Variants in RP1 observed in about 807,000 individuals in gnomAD.
RP1 encodes oxygen-regulated protein 1.
RP1 carries 16 observed loss-of-function variants against 14.8 expected under a neutral mutation model. That is an observed-to-expected ratio of 1.08 (90% CI 0.73 to 1.65). The LOEUF (loss-of-function observed/expected upper bound fraction) is 1.65, where lower values mean the gene tolerates loss of function less well. RP1 is among the 40% of genes most tolerant of loss of function. The probability of loss-of-function intolerance (pLI) is 0.00; values close to 1 mark genes in which losing one functional copy is unlikely to be tolerated. For synonymous variants in RP1, 876 were observed against 883.6 expected, an observed-to-expected ratio of 0.99 and a Z score of 0.15; for missense variants, 2,631 against 2,535.0, an observed-to-expected ratio of 1.04 and a Z score of -0.81.
At chr8:54,564,206 A>C (rs1804350579) in intron 1 of RP1, among the ~76,000 whole-genome samples, 1 of 152,124 alleles carries the variant, frequency 6.6e-6, no homozygotes, top group East Asian at 1.9e-4. Context: ...CTTTTTTACT[A>C]GGAGGCTTTC....
At chr8:54,778,059 C>A (rs576592868) in intron 23 of RP1, among the ~76,000 whole-genome samples, 29 of 152,226 alleles carry the variant, frequency 1.9e-4, no homozygotes, top group African/African-American at 6.7e-4. Context: ...TTTAACGGAT[C>A]CCAAAACGTT....
At chr8:54,785,036 A>G (rs1414434879) in intron 24 of RP1, among the ~76,000 whole-genome samples, 1 of 152,084 alleles carries the variant, frequency 6.6e-6, no homozygotes, top group Admixed American at 6.6e-5. Context: ...AATCAGGGTA[A>G]AAAAACATTT....
At chr8:54,673,704 C>G (rs945309809) in intron 7 of RP1, 5 of 637,048 alleles carry the variant, frequency 7.8e-6, no homozygotes, top group Non-Finnish European at 1.3e-5. Context: ...TGTGTCATTG[C>G]ACTCCAGCCT....
At chr8:54,799,217 T>C (rs1402448344) in intron 24 of RP1, among the ~76,000 whole-genome samples, 1 of 152,080 alleles carries the variant, frequency 6.6e-6, no homozygotes, top group Non-Finnish European at 1.5e-5. Context: ...TAACACTCTA[T>C]AAATTTGGTA....
downstream of RP1, among the ~76,000 whole-genome samples, chr8:54,635,824 T>A (rs1012815426): frequency 1.3e-5 from 2 of 152,146 alleles, no homozygotes; most frequent in African/African-American, 4.8e-5. Flanking sequence ...GAGGGGAACT[T>A]ATTTCTTTAA....
At chr8:54,803,389 G>C (rs1217906012) in intron 24 of RP1, among the ~76,000 whole-genome samples, 2 of 152,104 alleles carry the variant, frequency 1.3e-5, no homozygotes, top group East Asian at 3.9e-4. Flanking sequence ...TAACACCGGG[G>C]ATTATGACCT....
At chr8:54,749,578 A>G (rs1809308828) in intron 19 of RP1, among the ~76,000 whole-genome samples, 1 of 152,136 alleles carries the variant, frequency 6.6e-6, no homozygotes, top group Non-Finnish European at 1.5e-5. Flanking sequence ...CAGTTAGAGA[A>G]GGGGCTCAGG....
intron 1 of RP1, 132 bp downstream of exon 1, chr8:54,616,334 AT>A (rs1246725133): frequency 2.0e-5 from 3 of 152,222 alleles, no homozygotes; most frequent in African/African-American, 7.2e-5. Context: ...CATAAATGTT[AT>A]TAATAATTAT....
At chr8:54,780,522 G>A (rs545297705) in intron 23 of RP1, among the ~76,000 whole-genome samples, 1 of 152,300 alleles carries the variant, frequency 6.6e-6, no homozygotes, top group South Asian at 2.1e-4. Context: ...TACACTTGAT[G>A]TTCCACATTC....
At chr8:54,576,831 T>C (rs1156493772) in intron 1 of RP1, among the ~76,000 whole-genome samples, 1 of 152,166 alleles carries the variant, frequency 6.6e-6, no homozygotes, top group Non-Finnish European at 1.5e-5. Flanking sequence ...AACCAGAATA[T>C]GTTGGTTGGC....
intron 1 of RP1, among the ~76,000 whole-genome samples, chr8:54,582,368 G>A: frequency 6.6e-6 from 1 of 152,062 alleles, no homozygotes; most frequent in Admixed American, 6.6e-5. Flanking sequence ...CTACATCTCT[G>A]TTTTGGTACC....
intron 24 of RP1, among the ~76,000 whole-genome samples, chr8:54,809,481 G>A (rs552041594): frequency 1.3e-5 from 2 of 152,304 alleles, no homozygotes; most frequent in East Asian, 3.9e-4. Context: ...ATAAAAGTTA[G>A]ATTCATGCAG....
chr8:54,685,789 A>G (rs1807549705), intron 12 of RP1, among the ~76,000 whole-genome samples: 1 of 152,104 alleles, frequency 6.6e-6, no homozygotes, highest in Non-Finnish European at 1.5e-5. Flanking sequence ...TCTCAGTTTT[A>G]TGACTAATTG....
chr8:54,825,052 C>G (rs62516280), intron 24 of RP1, among the ~76,000 whole-genome samples: 47,639 of 151,690 alleles, frequency 0.31, 7,642 homozygotes, highest in South Asian at 0.37. Flanking sequence ...TCACTGCAAG[C>G]TCCGCCTCCC....
intron 12 of RP1, among the ~76,000 whole-genome samples, chr8:54,691,519 A>C (rs1392763233): frequency 6.6e-6 from 1 of 152,084 alleles, no homozygotes; most frequent in African/African-American, 2.4e-5. Flanking sequence ...ATGCAAAAGT[A>C]TATGAACCTG....
chr8:54,759,017 T>C (rs1809573933), exon 22 of RP1: 2 of 1,535,904 alleles, frequency 1.3e-6, no homozygotes, highest in Middle Eastern at 1.7e-4. Context: ...ACTGGTACTG[T>C]GAACAAGTCA....
At chr8:54,607,112 G>C (rs868291637) in intron 1 of RP1, among the ~76,000 whole-genome samples, 7 of 152,302 alleles carry the variant, frequency 4.6e-5, no homozygotes, top group African/African-American at 1.7e-4. Flanking sequence ...TGGAGGAGGA[G>C]AGGCGCTCTG....
intron 13 of RP1, chr8:54,699,657 T>G: frequency 1.6e-6 from 1 of 608,482 alleles, no homozygotes; most frequent in Non-Finnish European, 2.4e-6. Flanking sequence ...AAGATTACCA[T>G]TTCCTTTTGG....
chr8:54,786,868 A>G (rs1810330925), intron 24 of RP1, among the ~76,000 whole-genome samples: 1 of 152,178 alleles, frequency 6.6e-6, no homozygotes, highest in Admixed American at 6.5e-5. Context: ...ATTTGAGGCT[A>G]TGTCATGTGA....
Sources: allele counts gnomAD v4.1 joint callset (sites outside exome capture counted in the v4.1 genomes callset), GRCh38; gene constraint gnomAD v4.1.1; transcripts MANE v1.5; gene names NCBI Gene and HGNC (gene_info 2026-07-23, HGNC 2026-07-21).